Variants in ECE1 observed in about 807,000 individuals in gnomAD.
ECE1 encodes endothelin converting enzyme 1.
A neutral mutation model predicts 98.6 loss-of-function variants in ECE1; 35 were observed. The observed-to-expected ratio is 0.35, with a 90% CI of 0.27 to 0.47. ECE1 has a LOEUF of 0.47. ECE1 is among the 20% of genes least tolerant of loss of function. ECE1 has a pLI of 1.00. For synonymous variants in ECE1, 394 were observed against 407.1 expected (o/e 0.97, Z 0.39); for missense variants, 814 against 1,025.3 (o/e 0.79, Z 2.81).
At chr1:21,330,133 CTTTTTTTTTTT>C (rs397860522) in intron 1 of ECE1, among the ~76,000 whole-genome samples, 11 of 86,490 alleles carry the variant, frequency 1.3e-4, no homozygotes, top group Admixed American at 2.5e-4. Context: ...TCACTAAATA[CTTTTTTTTTTT>C]TTTTTTTTTT....
chr1:21,308,298 C>A (rs763439588), intron 1 of ECE1, among the ~76,000 whole-genome samples: 1 of 152,188 alleles, frequency 6.6e-6, no homozygotes, highest in Non-Finnish European at 1.5e-5. Flanking sequence ...CTGCTAGGGC[C>A]TAGCCAATGA....
chr1:21,301,165 C>T (rs1263348553), intron 1 of ECE1, among the ~76,000 whole-genome samples: 1 of 152,180 alleles, frequency 6.6e-6, no homozygotes, highest in African/African-American at 2.4e-5. Flanking sequence ...CTTCCCTAGG[C>T]TGGCTTGGGG....
At chr1:21,324,437 C>T (rs1345263573) in intron 1 of ECE1, among the ~76,000 whole-genome samples, 1 of 152,224 alleles carries the variant, frequency 6.6e-6, no homozygotes, top group African/African-American at 2.4e-5. Flanking sequence ...TCCAGGGAGA[C>T]TCCAACGGCT....
intron 18 of ECE1, among the ~76,000 whole-genome samples, chr1:21,221,235 T>A (rs1260140293): frequency 6.6e-6 from 1 of 152,144 alleles, no homozygotes; most frequent in African/African-American, 2.4e-5. Context: ...AGTGGCGTGA[T>A]CTTGGTTCAC....
chr1:21,345,372 T>C lies in ECE1; in HGVS notation c.3+4A>G. The C allele has an allele frequency of 7.4e-7, 1 of 1,345,786 alleles. No homozygotes were observed. Among genetic ancestry groups the C allele is most frequent in the Non-Finnish European group, 9.6e-7 (1 of 1,038,900 alleles). The allele number at this position is 1,345,786 out of a possible 1,614,324, so 83.4% of individuals were successfully genotyped here. A position where few individuals can be genotyped will look rare whatever the true frequency, so the allele number is the denominator to read the frequency against. ...CGGACCAGACCTCCGCGCGCAGCAC[T>C]CACCATAGCTCGCGTGCTCCGCCCC... is the stretch of plus-strand genomic sequence containing the variant. On this transcript the variant is annotated splice_donor_region_variant and intron_variant, in intron 1 of 18. Transcript: ENST00000415912. The surrounding 1 kb of genome is among the most constrained non-coding windows in gnomAD (Gnocchi z 5.1).
At chr1:21,262,877 CTTTTGCCT>C (rs902917630) in intron 4 of ECE1, among the ~76,000 whole-genome samples, 1 of 152,194 alleles carries the variant, frequency 6.6e-6, no homozygotes, top group African/African-American at 2.4e-5. Flanking sequence ...TACAAAGTTC[CTTTTGCCT>C]GGCAACCGCC....
intron 15 of ECE1, 143 bp from the exon 16 acceptor site, chr1:21,227,369 G>A (rs1024736473): frequency 5.8e-6 from 5 of 858,896 alleles, no homozygotes; most frequent in South Asian, 1.4e-5. Flanking sequence ...TGTGGTCATG[G>A]CCTGAGTCTC....
chr1:21,241,866 C>T (rs552570881), intron 10 of ECE1, among the ~76,000 whole-genome samples: 1 of 152,324 alleles, frequency 6.6e-6, no homozygotes, highest in South Asian at 2.1e-4. Flanking sequence ...TCTGATCGAT[C>T]TGACCGGTCA....
At chr1:21,281,789 C>T (rs894418163) in intron 2 of ECE1, among the ~76,000 whole-genome samples, 2 of 152,186 alleles carry the variant, frequency 1.3e-5, no homozygotes, top group South Asian at 2.1e-4. Context: ...CTCTGCCTCC[C>T]GGGTTCAAGC....
intron 1 of ECE1, among the ~76,000 whole-genome samples, chr1:21,337,023 G>A: frequency 6.6e-6 from 1 of 152,126 alleles, no homozygotes; most frequent in Non-Finnish European, 1.5e-5. Context: ...GGCAACAAGA[G>A]TGAAAGTCCA....
chr1:21,294,566 A>T (rs1638301014), upstream of ECE1: 1 of 152,448 alleles, frequency 6.6e-6, no homozygotes, highest in East Asian at 1.9e-4. This position sits in a 1 kb window ranked among gnomAD's most constrained non-coding sequence, Gnocchi z 4.2. Context: ...AAGGTGCAAC[A>T]GTGCCCAGCT....
At position 21,290,031 on chromosome 1, in the gene ECE1, G is replaced by A. The variant is rs778552434; in HGVS notation, c.138+39C>T. ...AGCGGCAGCGCGCATGCCCGGGCCCGGGGCGCCTGGACCTCGGGAGGGAGC... is the reference window on the plus strand; with the variant it reads ...AGCGGCAGCGCGCATGCCCGGGCCCAGGGCGCCTGGACCTCGGGAGGGAGC... On this transcript the variant is annotated intron_variant, in intron 2 of 18. Transcript: ENST00000374893. This position sits in a 1 kb window ranked among gnomAD's most constrained non-coding sequence, Gnocchi z 7.3. 4 of 1,177,112 alleles carry A rather than the reference G, an allele frequency of 3.4e-6. No homozygotes were observed. In the Admixed American group the frequency reaches 1.2e-4, roughly 36 times the overall value. 72.9% of individuals were successfully genotyped at this position (1,177,112 alleles called of 1,614,324 possible).
At chr1:21,290,464 G>A, upstream of ECE1, 1 of 1,226,842 alleles carries the variant, frequency 8.2e-7, no homozygotes, top group Non-Finnish European at 1.0e-6. The surrounding 1 kb of genome is among the most constrained non-coding windows in gnomAD (Gnocchi z 7.3). Context: ...GGGATGGGAT[G>A]GGCCGGGCCA....
At chr1:21,242,208 C>T (rs1188734487) in intron 10 of ECE1, among the ~76,000 whole-genome samples, 1 of 152,178 alleles carries the variant, frequency 6.6e-6, no homozygotes, top group Non-Finnish European at 1.5e-5. Flanking sequence ...GCCCCTGCCC[C>T]AGTGAGGCAA....
In ECE1 at chr1:21,233,843, G is replaced by T. The variant is rs1411395328; in HGVS notation, c.1567-182C>A. Among the ~76,000 whole-genome samples the T allele has an allele frequency of 6.6e-6, 1 of 152,106 alleles. No individual in the cohort carries two copies. ...TTCACCCTGGGGCACGAGATGGAAT[G>T]ACACCGTTGCAGGATGTGCCTACAG... On this transcript the variant is annotated intron_variant, in intron 13 of 18. Coordinates refer to ENST00000374893, the MANE Select transcript of ECE1 (RefSeq NM_001397.3). The surrounding 1 kb of genome is among the most constrained non-coding windows in gnomAD (Gnocchi z 4.0).
Position 21,272,700 on chromosome 1 carries a change from G to A in ECE1, c.492C>T (p.Leu164=), listed in dbSNP as rs1297396104. 4 of 1,614,222 alleles carry A rather than the reference G, an allele frequency of 2.5e-6. No homozygotes were observed. The highest frequency in any genetic ancestry group is 2.5e-6 in the Non-Finnish European group (3 of 1,180,042). ...TTGGTCTCCATGCTGGATGCTTACC[G>A]AGGAGGTGCTTGATGATTGCTTGGT... is the stretch of plus-strand genomic sequence containing the variant. ...EHNQAIIKHL[L]ENSTASVSEA... is the part of the protein sequence containing the mutation. The change falls in exon 4 of 19, where the codon CTC becomes CTT. Residue 164 remains leucine, a splice_region_variant and synonymous_variant. Coordinates refer to ENST00000374893, the MANE Select transcript of ECE1 (RefSeq NM_001397.3).
intron 3 of ECE1, among the ~76,000 whole-genome samples, chr1:21,275,587 C>T (rs1178151296): frequency 1.3e-5 from 2 of 152,182 alleles, no homozygotes; most frequent in African/African-American, 2.4e-5. Flanking sequence ...AAGAGTGAGA[C>T]TCTGTCTCAA....
intron 2 of ECE1, 132 bp from the exon 3 acceptor site, chr1:21,279,464 T>C (rs766984186): frequency 1.3e-6 from 2 of 1,540,990 alleles, no homozygotes; most frequent in Non-Finnish European, 8.8e-7. Flanking sequence ...AGGGGTGGTC[T>C]GGTTCCCACA....
At chr1:21,271,952 T>TAC (rs2098240710) in intron 4 of ECE1, among the ~76,000 whole-genome samples, 1 of 151,780 alleles carries the variant, frequency 6.6e-6, no homozygotes, top group Admixed American at 6.6e-5. Context: ...TAGAATCTGA[T>TAC]CTAGTGTGTT....
Sources: gnomAD v4.1 joint callset for allele counts (sites outside exome capture counted in the v4.1 genomes callset) on GRCh38, gnomAD v4.1.1 for gene constraint, Gnocchi (gnomAD v3.1) non-coding constraint, MANE v1.5 for transcripts, NCBI Gene and HGNC (gene_info 2026-07-23, HGNC 2026-07-21) for gene names.